The following SLC39A9 variants were observed in gnomAD, a reference collection of about 807,000 sequenced individuals.
The protein encoded by SLC39A9 is solute carrier family 39 member 9, also known as zinc transporter ZIP9.
A neutral mutation model predicts 28.4 loss-of-function variants in SLC39A9; 14 were observed. The ratio of observed to expected loss-of-function variants is 0.49; its 90% CI spans 0.33 to 0.77. The LOEUF (loss-of-function observed/expected upper bound fraction) is 0.77, where lower values mean the gene tolerates loss of function less well. Ranked by LOEUF, SLC39A9 falls within the 30% of genes least tolerant of loss-of-function variation. The pLI is 0.02. For missense variants in SLC39A9, 283 were observed against 381.1 expected (o/e 0.74, Z 2.14); for synonymous variants, 119 against 149.6 (o/e 0.80, Z 1.49).
chr14:69,458,503 G>A lies in SLC39A9; in HGVS notation c.834G>A (p.Thr278=), dbSNP rs1193456986. ...GGCACAGCCACAAGCCCGATGCCAC[G>A]GGAGGGAGAGGCCTCAGCCGCCTGG... ...GIGHSHKPDA[T]GGRGLSRLEV... is the part of the protein sequence containing the mutation. The change falls in exon 7 of 7, where the codon ACG becomes ACA. Residue 278 remains threonine (T), a synonymous_variant. Transcript: ENST00000336643. 24 of 1,614,114 alleles carry A rather than the reference G, an allele frequency of 1.5e-5. No individual in the cohort carries two copies. Among genetic ancestry groups the A allele is most frequent in the South Asian group, 1.1e-4 (10 of 91,088 alleles).
chr14:69,426,499 T>G (rs982804315), intron 2 of SLC39A9, among the ~76,000 whole-genome samples: 3 of 151,836 alleles, frequency 2.0e-5, no homozygotes, highest in African/African-American at 7.3e-5. Context: ...CCCTGTGGAG[T>G]TGGGGTGCGC....
chr14:69,449,315 G>A (rs1885490738), intron 3 of SLC39A9, among the ~76,000 whole-genome samples: 1 of 152,126 alleles, frequency 6.6e-6, no homozygotes, highest in African/African-American at 2.4e-5. Context: ...TTTTTCTTGT[G>A]ATTCTTGTCA....
intron 2 of SLC39A9, among the ~76,000 whole-genome samples, chr14:69,427,007 ATTTTTT>A (rs35299160): frequency 5.9e-5 from 8 of 135,932 alleles, no homozygotes; most frequent in Non-Finnish European, 7.9e-5. Flanking sequence ...ACCCAAAATA[ATTTTTT>A]TTTTTTTTTT....
At chr14:69,426,854 G>A (rs1884220501) in intron 2 of SLC39A9, among the ~76,000 whole-genome samples, 1 of 152,030 alleles carries the variant, frequency 6.6e-6, no homozygotes, top group Non-Finnish European at 1.5e-5. Context: ...GTGTGTGTGT[G>A]TATATGTTTG....
chr14:69,401,854 T>G (rs1196004027), intron 1 of SLC39A9, among the ~76,000 whole-genome samples: 1 of 152,118 alleles, frequency 6.6e-6, no homozygotes, highest in East Asian at 1.9e-4. Context: ...CTTAAAGACA[T>G]CCTAGAATTC....
At chr14:69,429,622 G>T (rs1594926759) in intron 2 of SLC39A9, among the ~76,000 whole-genome samples, 1 of 152,204 alleles carries the variant, frequency 6.6e-6, no homozygotes. Flanking sequence ...GGAGACTGAA[G>T]TGGGGGGATT....
intron 1 of SLC39A9, among the ~76,000 whole-genome samples, chr14:69,422,903 G>A (rs1439844842): frequency 6.6e-6 from 1 of 152,168 alleles, no homozygotes; most frequent in Non-Finnish European, 1.5e-5. Flanking sequence ...GTATACTGCT[G>A]CTTCAAGAAA....
At chr14:69,411,586 T>A (rs1883267048) in intron 1 of SLC39A9, among the ~76,000 whole-genome samples, 1 of 152,180 alleles carries the variant, frequency 6.6e-6, no homozygotes, top group Non-Finnish European at 1.5e-5. Context: ...TTTGTAGTTC[T>A]CCATTTAAAT....
At chr14:69,449,710 A>C (rs892664968) in intron 3 of SLC39A9, among the ~76,000 whole-genome samples, 1 of 152,212 alleles carries the variant, frequency 6.6e-6, no homozygotes, top group African/African-American at 2.4e-5. Flanking sequence ...AATTTCTCCT[A>C]CCTGACCTTA....
chr14:69,428,274 C>CA (rs780805663), intron 2 of SLC39A9, among the ~76,000 whole-genome samples: 2,151 of 81,882 alleles, frequency 0.026, 44 homozygotes, highest in African/African-American at 0.063. Context: ...GACTCTGTCT[C>CA]AAAAAAAAAA....
rs566604917 is a variant in SLC39A9 at position 69,453,532 on chromosome 14, AAG to A, written c.472+232_472+233del. Among the ~76,000 whole-genome samples, 200 of 152,224 alleles carry A rather than the reference AAG, an allele frequency of 1.3e-3. 2 individuals are homozygous for A. The highest frequency in any genetic ancestry group is 4.4e-3 in the African/African-American group (184 of 41,542). On this transcript the variant is annotated intron_variant, in intron 4 of 6. Coordinates refer to ENST00000336643, the MANE Select transcript of SLC39A9 (RefSeq NM_018375.5). Reference sequence around the variant, plus strand: ...TACTTTTTAATGGTTTAAAAAAAAAAAGAGAGAGAGGAACATACTGTAGCACA... The same window carrying A: ...TACTTTTTAATGGTTTAAAAAAAAAAAGAGAGAGGAACATACTGTAGCACA...
In SLC39A9 at chr14:69,462,136, A is replaced by C. The variant is rs1375316173; in HGVS notation, c.*3543A>C. On this transcript the variant is annotated 3_prime_UTR_variant, in exon 7 of 7. Coordinates refer to ENST00000336643, the MANE Select transcript of SLC39A9 (RefSeq NM_018375.5). ...ACTCAGCCTAACCCAGTGGCTTAAC[A>C]CAAGGAGATTGGCTTTGATCTTTTT... is the stretch of plus-strand genomic sequence containing the variant. The C allele has an allele frequency of 6.4e-6, 1 of 157,276 alleles. No homozygotes were observed. Among genetic ancestry groups the C allele is most frequent in the Non-Finnish European group, 1.4e-5 (1 of 71,596 alleles). 9.7% of individuals were successfully genotyped at this position (157,276 alleles called of 1,614,324 possible). A position where few individuals can be genotyped will look rare whatever the true frequency, so the allele number is the denominator to read the frequency against.
chr14:69,428,991 CAA>C (rs1349959541), intron 2 of SLC39A9: 1 of 152,312 alleles, frequency 6.6e-6, no homozygotes, highest in African/African-American at 2.4e-5. Context: ...TCTCATCAGA[CAA>C]GGGCAATTTT....
chr14:69,417,611 G>A (rs938140518), intron 1 of SLC39A9, among the ~76,000 whole-genome samples: 6 of 152,090 alleles, frequency 3.9e-5, no homozygotes, highest in African/African-American at 1.2e-4. Flanking sequence ...ATGAGCATGG[G>A]ATGTTCTTCC....
At chr14:69,417,735 A>C (rs577326978) in intron 1 of SLC39A9, among the ~76,000 whole-genome samples, 2 of 152,260 alleles carry the variant, frequency 1.3e-5, no homozygotes, top group South Asian at 2.1e-4. Context: ...CTTTGTAGCA[A>C]TTGTGAATGA....
intron 1 of SLC39A9, among the ~76,000 whole-genome samples, chr14:69,409,675 A>G (rs187385465): frequency 2.3e-4 from 35 of 152,308 alleles, no homozygotes; most frequent in Middle Eastern, 3.4e-3. Flanking sequence ...ATTACATTCA[A>G]TTATGTACAG....
intron 4 of SLC39A9, among the ~76,000 whole-genome samples, chr14:69,454,182 T>A (rs1885746532): frequency 6.6e-6 from 1 of 152,278 alleles, no homozygotes; most frequent in Non-Finnish European, 1.5e-5. Context: ...TTTCTAAGTA[T>A]AATATGCTTT....
chr14:69,442,898 A>T (rs1005640481), intron 3 of SLC39A9, among the ~76,000 whole-genome samples: 3 of 152,168 alleles, frequency 2.0e-5, no homozygotes, highest in Admixed American at 1.3e-4. Flanking sequence ...TTTTGTTTTG[A>T]TGGTTATTGG....
At chr14:69,421,970 T>C (rs1215616155) in intron 1 of SLC39A9, among the ~76,000 whole-genome samples, 1 of 152,054 alleles carries the variant, frequency 6.6e-6, no homozygotes, top group Non-Finnish European at 1.5e-5. Flanking sequence ...CTGGGTGAGG[T>C]GTCACCCCGC....
Sources: gnomAD v4.1 joint callset for allele counts (sites outside exome capture counted in the v4.1 genomes callset) on GRCh38, gnomAD v4.1.1 for gene constraint, MANE v1.5 for transcripts, NCBI Gene and HGNC (gene_info 2026-07-23, HGNC 2026-07-21) for gene names.